The following PDE10A variants were observed in gnomAD, a reference collection of about 807,000 sequenced individuals.
The protein encoded by PDE10A is phosphodiesterase 10A, also known as cAMP and cAMP-inhibited cGMP 3',5'-cyclic phosphodiesterase 10A.
PDE10A carries 39 observed loss-of-function variants against 97.7 expected under a neutral mutation model. The ratio of observed to expected loss-of-function variants is 0.40; its 90% CI spans 0.31 to 0.52. The LOEUF (loss-of-function observed/expected upper bound fraction) is 0.52, where lower values mean the gene tolerates loss of function less well. PDE10A is among the 20% of genes least tolerant of loss of function. The pLI, the probability that PDE10A is intolerant of heterozygous loss-of-function variation, is 0.56. For missense variants in PDE10A, 731 were observed against 1,047.8 expected, an observed-to-expected ratio of 0.70 and a Z score of 4.17; for synonymous variants, 371 against 376.8, an observed-to-expected ratio of 0.98 and a Z score of 0.18.
At chr6:165,706,160 A>G (rs941431282) in intron 1 of PDE10A, among the ~76,000 whole-genome samples, 1 of 152,164 alleles carries the variant, frequency 6.6e-6, no homozygotes, top group Non-Finnish European at 1.5e-5. Context: ...GCAGTGCGGG[A>G]AAAAGATGAT....
chr6:165,694,663 A>G (rs1367941368), intron 1 of PDE10A, among the ~76,000 whole-genome samples: 2 of 152,258 alleles, frequency 1.3e-5, no homozygotes, highest in Non-Finnish European at 1.5e-5. Flanking sequence ...ATCACATGCC[A>G]TGCTCTCTTA....
chr6:165,710,134 C>T lies in PDE10A; in HGVS notation c.-614-166566G>A, dbSNP rs117042443. ...ACGTGCAGGCTCCTATTTCTAACAG[C>T]GCCGCCACTCTGAGAGATGCCACTT... On this transcript the variant is annotated intron_variant, in intron 1 of 19. Coordinates refer to the PDE10A transcript ENST00000366882. 8.5e-3 allele frequency among the ~76,000 whole-genome samples: 1,301 copies of T among 152,230 alleles called. 7 individuals carry two copies. Among genetic ancestry groups the T allele is most frequent in the Non-Finnish European group, 0.014 (936 of 68,002 alleles).
At chr6:165,352,060 G>A (rs1322905195) in intron 18 of PDE10A, among the ~76,000 whole-genome samples, 1 of 152,118 alleles carries the variant, frequency 6.6e-6, no homozygotes, top group Non-Finnish European at 1.5e-5. Flanking sequence ...CACCATGTTA[G>A]CCAGGCTGGT....
At position 165,776,074 on chromosome 6, in the gene PDE10A, TATTA is replaced by T. The variant is rs1189255667; in HGVS notation, c.-615+211451_-615+211454del. Among the ~76,000 whole-genome samples, 7 of 152,356 alleles carry T rather than the reference TATTA, an allele frequency of 4.6e-5. No individual in the cohort carries two copies. The East Asian group carries it at 1.2e-3, about 25-fold the overall frequency. On this transcript the variant is annotated intron_variant, in intron 1 of 19. Transcript: ENST00000366882. ...CCAATAGTATTGAGCTGCTTTTATT[TATTA>T]TTTTCAAACATCCCATTTGATGAGA...
intron 1 of PDE10A, among the ~76,000 whole-genome samples, chr6:165,942,973 T>C (rs1200003922): frequency 1.3e-5 from 2 of 151,468 alleles, no homozygotes; most frequent in South Asian, 2.1e-4. Flanking sequence ...GTGAATGTAA[T>C]AGGAAGGATG....
rs1784302514 is a variant in PDE10A at position 165,372,193 on chromosome 6, C to T, written c.2783+7001G>A. ...AAGACAGGGATGCCCTCTCTCACCACTCCTATTCAACATAGTGTTGGAAGT... is the reference window on the plus strand; with the variant it reads ...AAGACAGGGATGCCCTCTCTCACCATTCCTATTCAACATAGTGTTGGAAGT... On this transcript the variant is annotated intron_variant, in intron 18 of 21. Transcript: ENST00000539869. Among the ~76,000 whole-genome samples, 3 of 147,638 alleles carry T rather than the reference C, an allele frequency of 2.0e-5. No homozygotes were observed. The South Asian group carries it at 6.5e-4, about 32-fold the overall frequency.
At chr6:165,771,620 A>C in intron 1 of PDE10A, among the ~76,000 whole-genome samples, 1 of 143,770 alleles carries the variant, frequency 7.0e-6, no homozygotes, top group East Asian at 2.1e-4. Flanking sequence ...CAAAATCCTT[A>C]TTTCACCTCT....
At chr6:165,557,742 A>G (rs951157859) in intron 1 of PDE10A, among the ~76,000 whole-genome samples, 1 of 152,158 alleles carries the variant, frequency 6.6e-6, no homozygotes, top group East Asian at 1.9e-4. Context: ...TATTTCCTCA[A>G]TGCAATGTAA....
chr6:165,677,675 C>T (rs987557307), intron 1 of PDE10A, among the ~76,000 whole-genome samples: 3 of 152,168 alleles, frequency 2.0e-5, no homozygotes, highest in Non-Finnish European at 2.9e-5. Flanking sequence ...ACTTGAACGT[C>T]GGTGGACTCT....
intron 1 of PDE10A, among the ~76,000 whole-genome samples, chr6:165,947,719 T>C (rs1783818500): frequency 6.6e-6 from 1 of 152,210 alleles, no homozygotes; most frequent in South Asian, 2.1e-4. Flanking sequence ...TGCATTAATA[T>C]GCTATAACCA....
chr6:165,691,203 C>A (rs10946096), intron 1 of PDE10A, among the ~76,000 whole-genome samples: 24,927 of 107,984 alleles, frequency 0.23, 3,273 homozygotes, highest in East Asian at 0.34. Context: ...CTCTCTCTCC[C>A]CACACACACA....
chr6:165,464,317 G>A (rs59698636), intron 3 of PDE10A, among the ~76,000 whole-genome samples: 2,177 of 152,092 alleles, frequency 0.014, 42 homozygotes, highest in African/African-American at 0.049. Flanking sequence ...TGATACCTCC[G>A]GTTCCAACCA....
At chr6:165,585,404 A>C (rs1785848454) in intron 1 of PDE10A, among the ~76,000 whole-genome samples, 1 of 152,214 alleles carries the variant, frequency 6.6e-6, no homozygotes, top group African/African-American at 2.4e-5. Context: ...TGTAGACATG[A>C]TTAGCAGTCA....
At chr6:165,340,806 C>G (rs1781926625) in intron 19 of PDE10A, among the ~76,000 whole-genome samples, 1 of 152,112 alleles carries the variant, frequency 6.6e-6, no homozygotes, top group South Asian at 2.1e-4. Flanking sequence ...AATATGCCTG[C>G]ACAGACAGTG....
intron 1 of PDE10A, among the ~76,000 whole-genome samples, chr6:165,567,641 G>A (rs961008062): frequency 1.3e-5 from 2 of 151,898 alleles, no homozygotes; most frequent in East Asian, 1.9e-4. Context: ...CAGGTATTTC[G>A]TCTCTCTCAA....
intron 1 of PDE10A, among the ~76,000 whole-genome samples, chr6:165,885,025 C>T (rs1357425208): frequency 2.0e-5 from 3 of 152,138 alleles, no homozygotes; most frequent in African/African-American, 7.2e-5. Context: ...GTGCACGCCC[C>T]TGCCGCCGTT....
chr6:165,691,112 C>CG (rs1461581705), intron 1 of PDE10A, among the ~76,000 whole-genome samples: 1 of 76,462 alleles, frequency 1.3e-5, no homozygotes, highest in Non-Finnish European at 2.8e-5. Flanking sequence ...TCTCTCCCCC[C>CG]CCCCATCAGT....
intron 1 of PDE10A, among the ~76,000 whole-genome samples, chr6:165,796,509 T>C (rs972149552): frequency 6.6e-6 from 1 of 152,222 alleles, no homozygotes; most frequent in Non-Finnish European, 1.5e-5. Flanking sequence ...ACAGCTGTCC[T>C]GCCCAGGATA....
chr6:165,539,708 G>A (rs1364034302), intron 2 of PDE10A, among the ~76,000 whole-genome samples: 1 of 152,068 alleles, frequency 6.6e-6, no homozygotes, highest in Admixed American at 6.6e-5. Context: ...ATCACTTGAG[G>A]TCAGGATTGG....
Sources: gnomAD v4.1 joint callset for allele counts (sites outside exome capture counted in the v4.1 genomes callset) on GRCh38, gnomAD v4.1.1 for gene constraint, MANE v1.5 for transcripts, NCBI Gene and HGNC (gene_info 2026-07-23, HGNC 2026-07-21) for gene names.